The following GIGYF2 variants were observed in gnomAD, a reference collection of about 807,000 sequenced individuals.
The protein encoded by GIGYF2 is GRB10 interacting GYF protein 2, also known as GRB10-interacting GYF protein 2.
In GIGYF2, 25 loss-of-function variants were observed where a neutral mutation model predicts 208.1. The observed-to-expected ratio is 0.12, with a 90% CI of 0.09 to 0.17. The LOEUF is 0.17. GIGYF2 is among the 10% of genes least tolerant of loss of function. The probability of loss-of-function intolerance (pLI) is 1.00; values close to 1 mark genes in which losing one functional copy is unlikely to be tolerated. For synonymous variants in GIGYF2, 534 were observed against 543.8 expected, an observed-to-expected ratio of 0.98 and a Z score of 0.25; for missense variants, 1,302 against 1,579.4, an observed-to-expected ratio of 0.82 and a Z score of 2.98.
chr2:232,755,111 G>A (rs1365445529), intron 5 of GIGYF2, among the ~76,000 whole-genome samples: 3 of 152,176 alleles, frequency 2.0e-5, no homozygotes, highest in Admixed American at 6.5e-5. Flanking sequence ...TAGAAAGTTA[G>A]TGGAAACCAG....
chr2:232,796,880 G>A (rs1205211709), intron 14 of GIGYF2, among the ~76,000 whole-genome samples: 7 of 152,090 alleles, frequency 4.6e-5, no homozygotes, highest in African/African-American at 1.7e-4. Context: ...TGAATACAAG[G>A]CAGAAATGTG....
At chr2:232,755,139 G>A (rs925981154) in intron 5 of GIGYF2, among the ~76,000 whole-genome samples, 18 of 152,192 alleles carry the variant, frequency 1.2e-4, no homozygotes, top group Non-Finnish European at 2.9e-5. Flanking sequence ...TAAAATATTA[G>A]TTGAATTGCA....
intron 1 of GIGYF2, among the ~76,000 whole-genome samples, chr2:232,699,765 A>C (rs1418051275): frequency 6.6e-6 from 1 of 152,226 alleles, no homozygotes; most frequent in Non-Finnish European, 1.5e-5. Context: ...ACAATGTATT[A>C]ACTCAAATTA....
intron 2 of GIGYF2, among the ~76,000 whole-genome samples, chr2:232,708,356 A>C (rs997965495): frequency 6.6e-6 from 1 of 152,178 alleles, no homozygotes; most frequent in Non-Finnish European, 1.5e-5. Context: ...TGTGTGGTGC[A>C]ACGGGTTGGG....
chr2:232,773,424 A>T (rs140943145), intron 8 of GIGYF2, among the ~76,000 whole-genome samples: 1 of 152,108 alleles, frequency 6.6e-6, no homozygotes, highest in East Asian at 1.9e-4. Flanking sequence ...GGAGCTTTGG[A>T]TTATTTGGAT....
rs531050007 is a variant in GIGYF2, at chr2:232,806,031, C to T, written c.1640-460C>T. On this transcript the variant is annotated intron_variant, in intron 14 of 28. Coordinates refer to ENST00000373563, the MANE Select transcript of GIGYF2 (RefSeq NM_001103146.3). This position sits in a 1 kb window ranked among gnomAD's most constrained non-coding sequence, Gnocchi z 4.0. ...AGAATACTCGTTTTTTCCCCACTAC[C>T]AAGATCAGAGAGCGAATTATAATTT... Among the ~76,000 whole-genome samples the T allele has an allele frequency of 6.6e-6, 1 of 152,030 alleles. No homozygotes were observed. Among genetic ancestry groups the T allele is most frequent in the Non-Finnish European group, 1.5e-5 (1 of 67,990 alleles).
chr2:232,836,310 A>C (rs1410000703), intron 22 of GIGYF2, among the ~76,000 whole-genome samples: 564 of 20,640 alleles, frequency 0.027, 167 homozygotes, highest in African/African-American at 0.077. Flanking sequence ...ATATATATAT[A>C]TATATATATA....
chr2:232,780,238 G>C (rs896334872), intron 8 of GIGYF2, among the ~76,000 whole-genome samples: 4 of 152,180 alleles, frequency 2.6e-5, no homozygotes, highest in African/African-American at 4.8e-5. Flanking sequence ...CACTCAGTTA[G>C]ACCAGGCAAA....
intron 16 of GIGYF2, chr2:232,811,015 A>T: frequency 4.2e-6 from 2 of 477,584 alleles, no homozygotes; most frequent in Non-Finnish European, 7.6e-6. Flanking sequence ...TTTTTTTGCT[A>T]TCCTCTTTCA....
Position 232,806,459 on chromosome 2 carries a change from AT to A in GIGYF2, c.1640-30del. ...TCTCTTTGAGTCTGAAAGGTTTCTT[AT>A]TGTCTTTCTGTTTAATTGGTGCTGT... On this transcript the variant is annotated intron_variant, in intron 14 of 28. Coordinates refer to ENST00000373563, the MANE Select transcript of GIGYF2 (RefSeq NM_001103146.3). The surrounding 1 kb of genome is among the most constrained non-coding windows in gnomAD (Gnocchi z 4.0). The A allele has an allele frequency of 6.8e-7, 1 of 1,481,128 alleles. No individual in the cohort carries two copies. Among genetic ancestry groups the A allele is most frequent in the Non-Finnish European group, 9.4e-7 (1 of 1,058,688 alleles). 91.7% of individuals were successfully genotyped at this position (1,481,128 alleles called of 1,614,324 possible).
chr2:232,749,025 C>A lies in GIGYF2; in HGVS notation c.210C>A (p.Ile70=), dbSNP rs916889768. The change falls in exon 5 of 29, where the codon ATC becomes ATA. Residue 70 remains isoleucine (I), a synonymous_variant. Coordinates refer to ENST00000373563, the MANE Select transcript of GIGYF2 (RefSeq NM_001103146.3). The part of the protein sequence containing the change: ...SDLLDKEFLP[I]LQEEPLPPLA... ...TTCTGGATAAAGAATTTCTGCCTATCCTCCAGGAGGAACCCCTTCCACCAT... is the reference window on the plus strand; with the variant it reads ...TTCTGGATAAAGAATTTCTGCCTATACTCCAGGAGGAACCCCTTCCACCAT... 8.1e-6 allele frequency: 13 copies of A among 1,605,468 alleles called. No individual in the cohort carries two copies. Among genetic ancestry groups the A allele is most frequent in the Non-Finnish European group, 7.7e-6 (9 of 1,172,338 alleles).
chr2:232,829,669 A>T (rs1311644518), intron 21 of GIGYF2, among the ~76,000 whole-genome samples: 3 of 152,170 alleles, frequency 2.0e-5, no homozygotes, highest in African/African-American at 7.2e-5. Context: ...TTGGGGGCTC[A>T]TCTCTTTCTG....
At chr2:232,790,524 A>G (rs948385236) in intron 9 of GIGYF2, among the ~76,000 whole-genome samples, 174 bp from the exon 10 acceptor site, 6 of 152,208 alleles carry the variant, frequency 3.9e-5, no homozygotes, top group Admixed American at 3.9e-4. Context: ...TCGTAATGGT[A>G]CATATACTCT....
In GIGYF2 at chr2:232,791,153, CAGAT is replaced by C; in HGVS notation, c.1080_1083del (p.Asp360GlufsTer2). On this transcript the variant is annotated frameshift_variant, in exon 11 of 29. Coordinates refer to ENST00000373563, the MANE Select transcript of GIGYF2 (RefSeq NM_001103146.3). LOFTEE classifies it high-confidence loss of function. ...ACAAATAAGAAAGAAGGAGAGAAAA[CAGAT>C]AGAGTAGGAGTTGGTAAGGCCTCTT... is the stretch of plus-strand genomic sequence containing the variant. 6.2e-7 allele frequency: 1 copy of C among 1,613,996 alleles called. No homozygotes were observed. The highest frequency in any genetic ancestry group is 8.5e-7 in the Non-Finnish European group (1 of 1,179,956).
At chr2:232,836,329 T>TAC (rs1559160733) in intron 22 of GIGYF2, among the ~76,000 whole-genome samples, 1 of 26,780 alleles carries the variant, frequency 3.7e-5, no homozygotes, top group South Asian at 1.2e-3. Flanking sequence ...TATATATATA[T>TAC]ACATATATAT....
chr2:232,777,681 C>A (rs549084338), intron 8 of GIGYF2, among the ~76,000 whole-genome samples: 2 of 133,668 alleles, frequency 1.5e-5, no homozygotes, highest in African/African-American at 2.8e-5. Flanking sequence ...CCAAATACTT[C>A]AACACAAGTT....
intron 22 of GIGYF2, among the ~76,000 whole-genome samples, chr2:232,836,308 A>AC (rs1559160577): frequency 3.7e-4 from 8 of 21,578 alleles, no homozygotes; most frequent in African/African-American, 9.0e-4. Context: ...ATATATATAT[A>AC]TATATATATA....
rs1474610220 is a variant in GIGYF2 at position 232,859,882 on chromosome 2, C to T, written c.*3022C>T. 1 of 152,092 alleles carries T rather than the reference C, an allele frequency of 6.6e-6. No homozygotes were observed. 9.4% of individuals were successfully genotyped at this position (152,092 alleles called of 1,614,324 possible). On this transcript the variant is annotated 3_prime_UTR_variant, in exon 29 of 29. Transcript: ENST00000373563. ...AGAGAACCAGGCAGAAGCTGTGTTA[C>T]CTTTTTGAGCTCTTAGCTCAGGAGT...
chr2:232,766,505 C>T (rs1329889988), intron 8 of GIGYF2: 2 of 152,242 alleles, frequency 1.3e-5, no homozygotes, highest in African/African-American at 4.8e-5. Flanking sequence ...TTAGGTGAAT[C>T]TTGTTAATTT....
Sources: allele counts gnomAD v4.1 joint callset (sites outside exome capture counted in the v4.1 genomes callset), GRCh38; gene constraint gnomAD v4.1.1; non-coding constraint Gnocchi (gnomAD v3.1); transcripts MANE v1.5; gene names NCBI Gene and HGNC (gene_info 2026-07-23, HGNC 2026-07-21).